XPOT: variants seen among roughly 807,000 people sequenced by gnomAD.
XPOT encodes the protein exportin-T.
In XPOT, 34 loss-of-function variants were observed where a neutral mutation model predicts 128.2. The observed-to-expected ratio is 0.27, with a 90% CI of 0.20 to 0.35. The LOEUF is 0.35. Ranked by LOEUF, XPOT falls within the 10% of genes least tolerant of loss-of-function variation. The pLI is 1.00. For missense variants in XPOT, 838 were observed against 1,125.3 expected (o/e 0.74, Z 3.65); for synonymous variants, 348 against 394.3 (o/e 0.88, Z 1.39).
At chr12:64,414,777 G>A in intron 2 of XPOT, 130 bp from the exon 3 acceptor site, 1 of 586,566 alleles carries the variant, frequency 1.7e-6, no homozygotes, top group Non-Finnish European at 3.1e-6. Context: ...TGCATTTAAT[G>A]TTTTAACTGT....
At chr12:64,445,011 G>C in intron 23 of XPOT, 64 bp from the exon 24 acceptor site, 5 of 1,234,670 alleles carry the variant, frequency 4.0e-6, no homozygotes, top group Middle Eastern at 2.0e-4. Flanking sequence ...AACTGGATAC[G>C]AATTACAATG....
At chr12:64,419,217 T>A (rs1165921836) in intron 6 of XPOT, 123 bp downstream of exon 6, 2 of 687,634 alleles carry the variant, frequency 2.9e-6, no homozygotes, top group Non-Finnish European at 4.6e-6. Context: ...TATATAATTA[T>A]AAATTTACCT....
At chr12:64,444,335 A>G (rs1411126127) in intron 23 of XPOT, among the ~76,000 whole-genome samples, 3 of 152,242 alleles carry the variant, frequency 2.0e-5, no homozygotes, top group African/African-American at 7.2e-5. Flanking sequence ...TGAAAATGCT[A>G]TAAACCTCTT....
chr12:64,439,179 C>A, intron 22 of XPOT, 65 bp from the exon 23 acceptor site: 2 of 1,462,232 alleles, frequency 1.4e-6, no homozygotes, highest in South Asian at 2.3e-5. Flanking sequence ...ATGTATTGTT[C>A]CGATTCTTTT....
intron 2 of XPOT, among the ~76,000 whole-genome samples, chr12:64,413,503 C>T (rs571041410): frequency 7.4e-4 from 113 of 152,352 alleles, no homozygotes; most frequent in Non-Finnish European, 1.3e-3. Flanking sequence ...GAGCCAGCAA[C>T]TGGCTGCAAA....
At chr12:64,405,799 G>T (rs907951965) in intron 1 of XPOT, among the ~76,000 whole-genome samples, 1 of 152,078 alleles carries the variant, frequency 6.6e-6, no homozygotes, top group East Asian at 1.9e-4. Flanking sequence ...TGTATTTTTC[G>T]TAGAGATGGA....
intron 11 of XPOT, among the ~76,000 whole-genome samples, chr12:64,424,391 T>A (rs1212379558): frequency 6.6e-6 from 1 of 152,176 alleles, no homozygotes; most frequent in Admixed American, 6.5e-5. Context: ...GTACGAAATA[T>A]GTAAATGCGG....
intron 23 of XPOT, chr12:64,442,974 T>A (rs1487562109): frequency 6.6e-6 from 1 of 152,246 alleles, no homozygotes; most frequent in Non-Finnish European, 1.5e-5. Flanking sequence ...GCCTCCCGAG[T>A]AGCTGGGATT....
At position 64,434,902 on chromosome 12, in the gene XPOT, C is replaced by A; in HGVS notation, c.2678C>A (p.Thr893Lys). 6.2e-7 allele frequency: 1 copy of A among 1,612,280 alleles called. No individual in the cohort carries two copies. Among genetic ancestry groups the A allele is most frequent in the Non-Finnish European group, 8.5e-7 (1 of 1,179,700 alleles). The change falls in exon 21 of 25, where the codon ACA becomes AAA. Residue 893 changes from threonine (T) to lysine (K), a missense_variant. Thr to Lys is a moderately conservative substitution (Grantham distance 78). This residue lies in a region of XPOT where 56 missense variants were observed against 79.2 expected (regional missense o/e 0.71). Coordinates refer to ENST00000332707, the MANE Select transcript of XPOT (RefSeq NM_007235.6). ...ACCTTTGACCTGGCAGATGCACAAA[C>A]AGTATTGGTAAGCACCTAGGAATCT... ...KQTFDLADAQ[T>K]VLALSECAVT...
intron 1 of XPOT, among the ~76,000 whole-genome samples, chr12:64,405,854 G>A (rs543393340): frequency 4.9e-4 from 74 of 152,294 alleles, no homozygotes; most frequent in Non-Finnish European, 9.9e-4. Flanking sequence ...TTGACCTCGC[G>A]ATCCGCCCGC....
At chr12:64,410,938 A>G (rs2040032983) in intron 2 of XPOT, among the ~76,000 whole-genome samples, 1 of 152,180 alleles carries the variant, frequency 6.6e-6, no homozygotes, top group Non-Finnish European at 1.5e-5. Context: ...TACTTTTTAT[A>G]AATGAGCTAA....
intron 21 of XPOT, 82 bp downstream of exon 21, chr12:64,434,991 T>G (rs1452225938): frequency 8.4e-7 from 1 of 1,189,750 alleles, no homozygotes; most frequent in African/African-American, 1.6e-5. Context: ...GATTATATTA[T>G]GTTTCATTGA....
Position 64,431,689 on chromosome 12 carries a change from C to A in XPOT, c.2128C>A (p.Arg710=). Residue 710 remains arginine (R), a synonymous_variant, in exon 18 of 25, where the codon CGA becomes AGA. Coordinates refer to ENST00000332707, the MANE Select transcript of XPOT (RefSeq NM_007235.6). ...LRSGVRTFLH[R]MIICLEEEVL... is the part of the protein sequence containing the mutation. The stretch of plus-strand genomic sequence containing the variant: ...AAGTGGAGTCCGTACTTTCCTTCAT[C>A]GAATGATTATTTGCCTGGAGGAAGA... The A allele has an allele frequency of 6.2e-7, 1 of 1,613,972 alleles. No individual in the cohort carries two copies. Among genetic ancestry groups the A allele is most frequent in the African/African-American group, 1.3e-5 (1 of 75,042 alleles).
intron 1 of XPOT, among the ~76,000 whole-genome samples, chr12:64,408,949 C>T (rs1319526778): frequency 3.3e-5 from 5 of 151,924 alleles, no homozygotes; most frequent in Admixed American, 6.6e-5. Flanking sequence ...CTCAGATTAC[C>T]GGTGTGAGCC....
intron 13 of XPOT, 21 bp from the exon 14 acceptor site, chr12:64,425,317 C>T: frequency 1.2e-6 from 2 of 1,611,670 alleles, no homozygotes; most frequent in Non-Finnish European, 8.5e-7. Flanking sequence ...GAAGAGGTTT[C>T]CTAACTTTTT....
At chr12:64,419,270 A>AT (rs1364095241) in intron 6 of XPOT, among the ~76,000 whole-genome samples, 176 bp downstream of exon 6, 4 of 151,868 alleles carry the variant, frequency 2.6e-5, no homozygotes, top group African/African-American at 7.3e-5. Context: ...AAACTTGGTT[A>AT]TTTTTTTTCC....
At chr12:64,429,939 C>A in intron 16 of XPOT, 110 bp from the exon 17 acceptor site, 1 of 991,080 alleles carries the variant, frequency 1.0e-6, no homozygotes, top group Non-Finnish European at 1.5e-6. Context: ...AAGTATTTGA[C>A]ATATGAGTTG....
chr12:64,439,582 T>A (rs1005706942), intron 23 of XPOT, among the ~76,000 whole-genome samples: 5 of 152,248 alleles, frequency 3.3e-5, no homozygotes, highest in African/African-American at 1.2e-4. Flanking sequence ...AATTGGCTTC[T>A]ATCGTAATCC....
rs555010197 is a variant in XPOT at position 64,427,920 on chromosome 12, G to C, written c.1668-131G>C. On this transcript the variant is annotated intron_variant, in intron 15 of 24. Transcript: ENST00000332707. ...AGGTAATTTTTAAAAATTAACCATA[G>C]CTAATCTTAATCAGAAGTGACTAGC... is the stretch of plus-strand genomic sequence containing the variant. The C allele has an allele frequency of 1.6e-3, 1,042 of 651,282 alleles. 20 individuals are homozygous for C. In the South Asian group the frequency reaches 0.017, roughly 11 times the overall value. The allele number at this position is 651,282 out of a possible 1,614,324, so 40.3% of individuals were successfully genotyped here. A position where few individuals can be genotyped will look rare whatever the true frequency, so the allele number is the denominator to read the frequency against.
Sources: gnomAD v4.1 joint callset for allele counts (sites outside exome capture counted in the v4.1 genomes callset) on GRCh38, gnomAD v4.1.1 for gene constraint, gnomAD v4.1.1 regional missense constraint, MANE v1.5 for transcripts, NCBI Gene and HGNC (gene_info 2026-07-23, HGNC 2026-07-21) for gene names.